MYO5B: variants seen among roughly 807,000 people sequenced by gnomAD.
The protein encoded by MYO5B is unconventional myosin-Vb.
A neutral mutation model predicts 229.3 loss-of-function variants in MYO5B; 143 were observed. That is an observed-to-expected ratio of 0.62 (90% CI 0.54 to 0.72). MYO5B has a LOEUF of 0.72. Among genes scored for constraint, MYO5B ranks in the 30% least tolerant of loss-of-function variants. MYO5B has a pLI of 0.00. For missense variants in MYO5B, 2,321 were observed against 2,331.0 expected, an observed-to-expected ratio of 1.00 and a Z score of 0.09; for synonymous variants, 918 against 885.2, an observed-to-expected ratio of 1.04 and a Z score of -0.66.
At chr18:49,968,507 T>A (rs978934601) in intron 10 of MYO5B, among the ~76,000 whole-genome samples, 1 of 152,208 alleles carries the variant, frequency 6.6e-6, no homozygotes, top group African/African-American at 2.4e-5. Flanking sequence ...ATTTACTTAA[T>A]CTAAATGGGT....
chr18:50,193,265 G>GCTCCCACCTCCTCCCCTC (rs1229072074), intron 1 of MYO5B, among the ~76,000 whole-genome samples: 1 of 152,202 alleles, frequency 6.6e-6, no homozygotes, highest in Non-Finnish European at 1.5e-5. Flanking sequence ...TCACGCCCTG[G>GCTCCCACCTCCTCCCCTC]CTCCCACCTC....
chr18:50,035,222 C>CTA (rs1555652775), intron 4 of MYO5B, among the ~76,000 whole-genome samples: 18 of 152,116 alleles, frequency 1.2e-4, no homozygotes, highest in African/African-American at 4.3e-4. Context: ...CAGGAGTCCA[C>CTA]AAGCAGCTTT....
intron 39 of MYO5B, among the ~76,000 whole-genome samples, chr18:49,834,593 C>T (rs1036145120): frequency 1.1e-4 from 16 of 152,228 alleles, no homozygotes; most frequent in East Asian, 1.9e-4. Context: ...TTTAAATAAC[C>T]GTTTTCCCTA....
In MYO5B at chr18:49,839,427, G is replaced by A. The variant is rs1421376266; in HGVS notation, c.4702-133C>T. 7 of 983,760 alleles carry A rather than the reference G, an allele frequency of 7.1e-6. No individual in the cohort carries two copies. In the Admixed American group the frequency reaches 1.3e-4, roughly 18 times the overall value. The allele number at this position is 983,760 out of a possible 1,614,324, so 60.9% of individuals were successfully genotyped here. On this transcript the variant is annotated intron_variant, in intron 35 of 39. Transcript: ENST00000285039. ...CTCAGGCCCTCCCTATGTAGATGATGTTTTACAAAAGCCTGTCAGTTCTTT... is the reference window on the plus strand; with the variant it reads ...CTCAGGCCCTCCCTATGTAGATGATATTTTACAAAAGCCTGTCAGTTCTTT...
At chr18:49,967,222 C>T (rs1217533974) in intron 10 of MYO5B, among the ~76,000 whole-genome samples, 1 of 152,150 alleles carries the variant, frequency 6.6e-6, no homozygotes, top group Admixed American at 6.5e-5. Context: ...ATACAATTTC[C>T]TTCTCATTCT....
At chr18:49,842,813 C>A (rs956483308) in intron 34 of MYO5B, among the ~76,000 whole-genome samples, 2 of 152,198 alleles carry the variant, frequency 1.3e-5, no homozygotes, top group African/African-American at 2.4e-5. Context: ...TGTGTTACCC[C>A]CCAGGGAAGC....
At chr18:49,958,808 C>A (rs527509883) in intron 12 of MYO5B, among the ~76,000 whole-genome samples, 2 of 152,202 alleles carry the variant, frequency 1.3e-5, no homozygotes, top group Non-Finnish European at 2.9e-5. Flanking sequence ...CCCTGCTGAG[C>A]TCCTGGAAGC....
intron 1 of MYO5B, among the ~76,000 whole-genome samples, chr18:50,081,380 C>T (rs75221933): frequency 0.026 from 4,000 of 152,250 alleles, 172 homozygotes; most frequent in African/African-American, 0.092. Context: ...CAGCTAACAG[C>T]CAACAAAAGC....
At position 49,974,372 on chromosome 18, in the gene MYO5B, T is replaced by A. The variant is rs372853673; in HGVS notation, c.1300A>T (p.Ile434Phe). 1 of 1,614,188 alleles carries A rather than the reference T, an allele frequency of 6.2e-7. No individual in the cohort carries two copies. Among genetic ancestry groups the A allele is most frequent in the Non-Finnish European group, 8.5e-7 (1 of 1,180,010 alleles). ...TACCCATAGATGTCCAGGACCCCGA[T>A]GAAGGAGTGCTGCTTGAGGGAGGTG... ...LHTSLKQHSF[I>F]GVLDIYGFET... Residue 434 changes from isoleucine to phenylalanine, a missense_variant, in exon 10 of 40, where the codon ATC (isoleucine) becomes TTC (phenylalanine). Transcript: ENST00000285039.
rs768684067 is a variant in MYO5B, at chr18:50,037,024, A to T, written c.311-30T>A. On this transcript the variant is annotated intron_variant, in intron 3 of 39. Transcript: ENST00000285039. The stretch of plus-strand genomic sequence containing the variant: ...AAACAGACAAGGTGGTCAGATTCCG[A>T]CAGCACAGAAGACACCTGGCATTAT... 6.8e-6 allele frequency: 11 copies of T among 1,613,890 alleles called. No homozygotes were observed. In the South Asian group the frequency reaches 1.2e-4, roughly 18 times the overall value.
intron 5 of MYO5B, among the ~76,000 whole-genome samples, chr18:49,993,435 G>T (rs528099018): frequency 6.6e-6 from 1 of 152,112 alleles, no homozygotes; most frequent in African/African-American, 2.4e-5. Context: ...GAAGCAAAAG[G>T]TCACAAAGTT....
At chr18:49,860,011 C>T (rs2024309612) in intron 29 of MYO5B, among the ~76,000 whole-genome samples, 1 of 152,296 alleles carries the variant, frequency 6.6e-6, no homozygotes, top group Admixed American at 6.5e-5. Context: ...GAATAATAAC[C>T]CCAGGTGCGC....
chr18:49,974,779 T>TCACACACACACAGACACA (rs1555648455), intron 9 of MYO5B, among the ~76,000 whole-genome samples, 164 bp from the exon 10 acceptor site: 5 of 117,046 alleles, frequency 4.3e-5, no homozygotes, highest in African/African-American at 1.9e-4. Context: ...GCAGTCTCTC[T>TCACACACACACAGACACA]CACACACACA....
At chr18:50,191,874 G>A (rs908737094) in intron 1 of MYO5B, among the ~76,000 whole-genome samples, 1 of 152,176 alleles carries the variant, frequency 6.6e-6, no homozygotes, top group Admixed American at 6.5e-5. Context: ...CCCTATCAGG[G>A]CAACATGAAT....
At chr18:50,051,115 G>T (rs753147197) in intron 2 of MYO5B, among the ~76,000 whole-genome samples, 1 of 152,166 alleles carries the variant, frequency 6.6e-6, no homozygotes, top group African/African-American at 2.4e-5. Flanking sequence ...AAACTGAATA[G>T]AATTGCAACT....
In MYO5B at chr18:50,052,219, G is replaced by T. The variant is rs557959567; in HGVS notation, c.138+3049C>A. Reference sequence around the variant, plus strand: ...CCCATTACTGGGTATATACCAAAAGGACTATAAATCATGCTGCTATAAAGA... The same window carrying T: ...CCCATTACTGGGTATATACCAAAAGTACTATAAATCATGCTGCTATAAAGA... On this transcript the variant is annotated intron_variant, in intron 2 of 39. Coordinates refer to ENST00000285039, the MANE Select transcript of MYO5B (RefSeq NM_001080467.3). 9.0e-3 allele frequency among the ~76,000 whole-genome samples: 1,368 copies of T among 152,160 alleles called. 16 individuals are homozygous for T. The highest frequency in any genetic ancestry group is 0.031 in the African/African-American group (1,267 of 41,466).
At chr18:49,963,425 T>A (rs2025585994) in intron 10 of MYO5B, among the ~76,000 whole-genome samples, 1 of 150,090 alleles carries the variant, frequency 6.7e-6, no homozygotes, top group Non-Finnish European at 1.5e-5. Context: ...AATTTATTTA[T>A]TTATTTATTT....
At chr18:50,166,460 T>A (rs1040330576) in intron 1 of MYO5B, among the ~76,000 whole-genome samples, 2 of 152,142 alleles carry the variant, frequency 1.3e-5, no homozygotes, top group African/African-American at 4.8e-5. Flanking sequence ...ACATCCATCA[T>A]CCCAATAACA....
Position 49,980,603 on chromosome 18 carries a change from A to G in MYO5B, c.947-50T>C, listed in dbSNP as rs748177980. ...ACACTCAGTATCCATGGTCGGACAG[A>G]AAGGACATTTTACCCCTTTTAAGGA... On this transcript the variant is annotated intron_variant, in intron 8 of 39. Coordinates refer to ENST00000285039, the MANE Select transcript of MYO5B (RefSeq NM_001080467.3). The G allele has an allele frequency of 5.0e-6, 7 of 1,390,166 alleles. No individual in the cohort carries two copies. In the South Asian group the frequency reaches 8.1e-5, roughly 16 times the overall value. 86.1% of individuals were successfully genotyped at this position (1,390,166 alleles called of 1,614,324 possible).
Sources: gnomAD v4.1 joint callset for allele counts (sites outside exome capture counted in the v4.1 genomes callset) on GRCh38, gnomAD v4.1.1 for gene constraint, MANE v1.5 for transcripts, NCBI Gene and HGNC (gene_info 2026-07-23, HGNC 2026-07-21) for gene names.